The following ZNF391 variants were observed in gnomAD, a reference collection of about 807,000 sequenced individuals.
The protein encoded by ZNF391 is zinc finger protein 391.
For synonymous variants in ZNF391, 126 were observed against 142.1 expected (o/e 0.89, Z 0.80); for missense variants, 375 against 425.5 (o/e 0.88, Z 1.04).
Position 27,401,294 on chromosome 6 carries a change from AGTGT to A in ZNF391, c.928_931del (p.Cys310GlufsTer38), listed in dbSNP as rs1179270022. On this transcript the variant is annotated frameshift_variant, in exon 3 of 3. Coordinates refer to ENST00000244576, the MANE Select transcript of ZNF391 (RefSeq NM_001076781.3). LOFTEE classifies it low-confidence loss of function (END_TRUNC). Reference sequence around the variant, plus strand: ...GTGGAGAAAAGCCTCACGAGTGTAGAGTGTGTGGAAAGGGCTTCAGTCGAAGCTC... The same window carrying A: ...GTGGAGAAAAGCCTCACGAGTGTAGAGTGGAAAGGGCTTCAGTCGAAGCTC... 1 of 1,614,036 alleles carries A rather than the reference AGTGT, an allele frequency of 6.2e-7. No homozygotes were observed. The highest frequency in any genetic ancestry group is 1.3e-5 in the African/African-American group (1 of 74,986).
At chr6:27,388,647 G>C, upstream of ZNF391, 6 of 315,668 alleles carry the variant, frequency 1.9e-5, no homozygotes, top group South Asian at 1.5e-4. Flanking sequence ...CATACCAGGG[G>C]AGGGGCTTTG....
chr6:27,381,257 G>A (rs1381553156), intron 1 of ZNF391, among the ~76,000 whole-genome samples: 1 of 152,260 alleles, frequency 6.6e-6, no homozygotes, highest in African/African-American at 2.4e-5. Context: ...CGCAGCGCCG[G>A]TGGGCTAGCA....
intron 1 of ZNF391, among the ~76,000 whole-genome samples, chr6:27,394,139 G>T (rs1581533157): frequency 6.6e-6 from 1 of 152,180 alleles, no homozygotes; most frequent in East Asian, 1.9e-4. Context: ...GCTATAGAGA[G>T]TTGCATAACT....
intron 1 of ZNF391, among the ~76,000 whole-genome samples, chr6:27,397,308 A>AT (rs1451524925): frequency 6.6e-6 from 1 of 152,122 alleles, no homozygotes; most frequent in Non-Finnish European, 1.5e-5. Flanking sequence ...TAAGCAACTA[A>AT]ATCTCACATG....
rs572898336 is a variant in ZNF391, at chr6:27,374,643, C to T, written n.29C>T. ...GACCCTAGGCCTCTTGCAGGAGAGT[C>T]CCTGGTCCCAGCCAGCGGGAGCGGC... On this transcript the variant is annotated non_coding_transcript_exon_variant, in exon 1 of 3. Coordinates refer to the ZNF391 transcript ENST00000477999. This position sits in a 1 kb window ranked among gnomAD's most constrained non-coding sequence, Gnocchi z 5.3. The T allele has an allele frequency of 6.6e-6, 1 of 152,232 alleles. No individual in the cohort carries two copies. Among genetic ancestry groups the T allele is most frequent in the East Asian group, 1.9e-4 (1 of 5,142 alleles). 9.4% of individuals were successfully genotyped at this position (152,232 alleles called of 1,614,324 possible).
chr6:27,377,933 GTGTATA>G (rs1761442112), intron 1 of ZNF391, among the ~76,000 whole-genome samples: 1 of 152,126 alleles, frequency 6.6e-6, no homozygotes, highest in African/African-American at 2.4e-5. Flanking sequence ...TGTGTGTAAC[GTGTATA>G]TGTATATTTG....
At chr6:27,377,867 G>A (rs1027814642) in intron 1 of ZNF391, among the ~76,000 whole-genome samples, 4 of 152,184 alleles carry the variant, frequency 2.6e-5, no homozygotes, top group African/African-American at 9.7e-5. Context: ...CCTGCTTTAA[G>A]TTCACAACCT....
chr6:27,392,472 G>C (rs538862091), intron 1 of ZNF391, among the ~76,000 whole-genome samples: 2 of 152,098 alleles, frequency 1.3e-5, no homozygotes, highest in Non-Finnish European at 2.9e-5. Context: ...GGCTAGTCTC[G>C]AACTCCTGAC....
chr6:27,396,910 C>T (rs189668048), intron 1 of ZNF391, among the ~76,000 whole-genome samples: 1 of 152,232 alleles, frequency 6.6e-6, no homozygotes, highest in Non-Finnish European at 1.5e-5. Flanking sequence ...TGTCTATCAT[C>T]CCTGGCCCCC....
chr6:27,380,384 C>T (rs1429478447), intron 1 of ZNF391, among the ~76,000 whole-genome samples: 1 of 151,366 alleles, frequency 6.6e-6, no homozygotes, highest in Non-Finnish European at 1.5e-5. Flanking sequence ...GCTCTTAAGG[C>T]AGCACGTCTA....
chr6:27,395,294 C>T (rs1476266553), intron 1 of ZNF391, among the ~76,000 whole-genome samples: 1 of 151,550 alleles, frequency 6.6e-6, no homozygotes, highest in Admixed American at 6.6e-5. Flanking sequence ...AGGTAGATCC[C>T]TCGTGGCTTG....
intron 1 of ZNF391, among the ~76,000 whole-genome samples, chr6:27,398,240 A>T (rs1761871734): frequency 6.6e-6 from 1 of 152,224 alleles, no homozygotes; most frequent in Admixed American, 6.5e-5. Context: ...GGGAACTGTT[A>T]TACAGTTCAT....
intron 1 of ZNF391, among the ~76,000 whole-genome samples, chr6:27,383,734 A>G (rs1268760885): frequency 6.6e-6 from 1 of 152,160 alleles, no homozygotes; most frequent in African/African-American, 2.4e-5. Flanking sequence ...TCCTAATAAT[A>G]TCACATTGAG....
rs373247413 is a variant in ZNF391 at position 27,401,200 on chromosome 6, A to G, written c.830A>G (p.Tyr277Cys). The G allele has an allele frequency of 5.0e-6, 8 of 1,614,068 alleles. No individual in the cohort carries two copies. The African/African-American group carries it at 5.3e-5, about 11-fold the overall frequency. The change falls in exon 3 of 3, where the codon TAT becomes TGT. Residue 277 changes from tyrosine to cysteine, a missense_variant. Transcript: ENST00000244576. ...AGAACACACACTGGGGAGAACCCCT[A>G]TGAGTGCAGTGAATGTGGGAAAGTG... ...HQRTHTGENP[Y>C]ECSECGKVFS...
chr6:27,383,254 G>A (rs145190301), intron 1 of ZNF391, among the ~76,000 whole-genome samples: 239 of 151,678 alleles, frequency 1.6e-3, no homozygotes, highest in African/African-American at 5.2e-3. Context: ...GAAAGACACC[G>A]AGAGAGACAA....
At chr6:27,399,633 G>C (rs1179862890) in intron 2 of ZNF391, 83 bp downstream of exon 2, 2 of 152,234 alleles carry the variant, frequency 1.3e-5, no homozygotes, top group African/African-American at 4.8e-5. Flanking sequence ...GTTGGGTCAT[G>C]TAGGCAAGTG....
chr6:27,388,117 T>C (rs1184723453), upstream of ZNF391, among the ~76,000 whole-genome samples: 1 of 152,202 alleles, frequency 6.6e-6, no homozygotes, highest in South Asian at 2.1e-4. Flanking sequence ...CCCTCCTTTA[T>C]GTTTTCCATT....
At chr6:27,382,409 T>C (rs1761524012) in intron 1 of ZNF391, among the ~76,000 whole-genome samples, 1 of 152,168 alleles carries the variant, frequency 6.6e-6, no homozygotes, top group Non-Finnish European at 1.5e-5. Flanking sequence ...TTTACAGCAG[T>C]TCTTTTACTC....
chr6:27,391,290 C>T (rs1400242173), intron 1 of ZNF391, among the ~76,000 whole-genome samples: 2 of 150,608 alleles, frequency 1.3e-5, no homozygotes, highest in African/African-American at 2.5e-5. Flanking sequence ...CTGCAACCTC[C>T]GCCTGCTGGG....
Sources: gnomAD v4.1 joint callset for allele counts (sites outside exome capture counted in the v4.1 genomes callset) on GRCh38, gnomAD v4.1.1 for gene constraint, Gnocchi (gnomAD v3.1) non-coding constraint, MANE v1.5 for transcripts, NCBI Gene and HGNC (gene_info 2026-07-23, HGNC 2026-07-21) for gene names.